The following GALNT13 variants were observed in gnomAD, a reference collection of about 807,000 sequenced individuals.
GALNT13 encodes UDP-GalNAc:polypeptide N-acetylgalactosaminyltransferase 13.
In GALNT13, 28 loss-of-function variants were observed where a neutral mutation model predicts 64.2. The ratio of observed to expected loss-of-function variants is 0.44; its 90% CI spans 0.32 to 0.60. The LOEUF is 0.60. Among genes scored for constraint, GALNT13 ranks in the 20% least tolerant of loss-of-function variants. The pLI, the probability that GALNT13 is intolerant of heterozygous loss-of-function variation, is 0.05. For synonymous variants in GALNT13, 214 were observed against 224.6 expected (o/e 0.95, Z 0.42); for missense variants, 577 against 669.8 (o/e 0.86, Z 1.53).
Position 154,040,799 on chromosome 2 carries a change from GA to G in GALNT13, c.142+96166del, listed in dbSNP as rs564843779. On this transcript the variant is annotated intron_variant, in intron 3 of 12. Transcript: ENST00000392825. The stretch of plus-strand genomic sequence containing the variant: ...AAAATGATTTCATCAGCAAGATACA[GA>G]AAAAAGTTGGCAAAGGTAAAAATAC... Among the ~76,000 whole-genome samples, 278 of 139,950 alleles carry G rather than the reference GA, an allele frequency of 2.0e-3. 25 individuals are homozygous for G. The highest frequency in any genetic ancestry group is 8.2e-3 in the Middle Eastern group (2 of 244). 91.8% of individuals were successfully genotyped at this position (139,950 alleles called of 152,430 possible). A position where few individuals can be genotyped will look rare whatever the true frequency, so the allele number is the denominator to read the frequency against.
chr2:153,845,643 T>C, the GALNT13 span, among the ~76,000 whole-genome samples: 1 of 152,036 alleles, frequency 6.6e-6, no homozygotes, highest in Admixed American at 6.5e-5. Context: ...AAGATAAAAC[T>C]TTAGTATTTT....
At chr2:154,014,588 T>A (rs1294327584) in intron 3 of GALNT13, among the ~76,000 whole-genome samples, 2 of 118,496 alleles carry the variant, frequency 1.7e-5, no homozygotes, top group African/African-American at 6.0e-5. Context: ...TTTTTTTTTG[T>A]TGTTGTTGTT....
At chr2:154,023,538 A>G (rs1171601847) in intron 3 of GALNT13, among the ~76,000 whole-genome samples, 1 of 151,564 alleles carries the variant, frequency 6.6e-6, no homozygotes, top group African/African-American at 2.4e-5. Flanking sequence ...TTTGTTTTCC[A>G]TTTGCTTGGT....
chr2:153,899,502 C>G (rs1688090720), intron 1 of GALNT13, among the ~76,000 whole-genome samples: 1 of 152,040 alleles, frequency 6.6e-6, no homozygotes, highest in South Asian at 2.1e-4. Flanking sequence ...TTCCATTTAA[C>G]TATAAACTTG....
At chr2:154,402,888 T>C (rs1699360703) in intron 10 of GALNT13, among the ~76,000 whole-genome samples, 2 of 152,300 alleles carry the variant, frequency 1.3e-5, no homozygotes, top group East Asian at 1.9e-4. Flanking sequence ...TTATACATGA[T>C]CATCCTAAAT....
chr2:153,421,199 C>A, the GALNT13 span: 1 of 188,220 alleles, frequency 5.3e-6, no homozygotes. Context: ...GCATATGTGA[C>A]CAAAGAGAAG....
the GALNT13 span, among the ~76,000 whole-genome samples, chr2:153,405,981 G>A: frequency 6.6e-6 from 1 of 152,202 alleles, no homozygotes; most frequent in African/African-American, 2.4e-5. Context: ...TGGCAGGTGA[G>A]CTAAACAAGC....
the GALNT13 span, among the ~76,000 whole-genome samples, chr2:153,629,836 G>A: frequency 3.1e-4 from 45 of 147,114 alleles, no homozygotes; most frequent in South Asian, 4.5e-4. Flanking sequence ...AAGTGGGCGA[G>A]GGACATGAAC....
the GALNT13 span, among the ~76,000 whole-genome samples, chr2:153,824,911 T>C: frequency 6.6e-6 from 1 of 152,186 alleles, no homozygotes; most frequent in Non-Finnish European, 1.5e-5. Context: ...GAAAGTTTCC[T>C]GAGGTCTCCC....
At chr2:153,257,868 G>A in the GALNT13 span, among the ~76,000 whole-genome samples, 1 of 152,200 alleles carries the variant, frequency 6.6e-6, no homozygotes, top group South Asian at 2.1e-4. Flanking sequence ...CTGGAATGGT[G>A]TGCTTTCTTT....
intron 9 of GALNT13, among the ~76,000 whole-genome samples, chr2:154,395,565 G>T (rs799801): frequency 0.34 from 52,128 of 151,798 alleles, 9,384 homozygotes; most frequent in African/African-American, 0.45. Flanking sequence ...TATAAATTTC[G>T]TATAAAATCT....
chr2:153,257,384 C>T, the GALNT13 span, among the ~76,000 whole-genome samples: 354 of 152,120 alleles, frequency 2.3e-3, 2 homozygotes, highest in African/African-American at 8.1e-3. Context: ...CCCGGTACCT[C>T]AGATGGAAAT....
intron 1 of GALNT13, among the ~76,000 whole-genome samples, chr2:153,886,182 A>C (rs1687164102): frequency 6.6e-6 from 1 of 151,740 alleles, no homozygotes; most frequent in African/African-American, 2.4e-5. Context: ...TGAACTGAAA[A>C]AAAAAAAACA....
chr2:154,102,212 C>T (rs1208796431), intron 3 of GALNT13, among the ~76,000 whole-genome samples: 1 of 152,146 alleles, frequency 6.6e-6, no homozygotes, highest in Non-Finnish European at 1.5e-5. Flanking sequence ...TTTTCTATCT[C>T]TCTATGATAA....
Position 153,993,618 on chromosome 2 carries a change from C to G in GALNT13, c.142+48979C>G, listed in dbSNP as rs189761932. Among the ~76,000 whole-genome samples, 93 of 144,316 alleles carry G rather than the reference C, an allele frequency of 6.4e-4. 2 individuals are homozygous for G. The East Asian group carries it at 0.017, about 27-fold the overall frequency. 94.7% of individuals were successfully genotyped at this position (144,316 alleles called of 152,430 possible). On this transcript the variant is annotated intron_variant, in intron 3 of 12. Coordinates refer to ENST00000392825, the MANE Select transcript of GALNT13 (RefSeq NM_052917.4). ...AGGCTGAGGCAGGAGAATGTGTGAACTTGGGAGGCGAAGCTTGCATTGAGC... is the reference window on the plus strand; with the variant it reads ...AGGCTGAGGCAGGAGAATGTGTGAAGTTGGGAGGCGAAGCTTGCATTGAGC...
chr2:153,444,971 A>G, the GALNT13 span, among the ~76,000 whole-genome samples: 3 of 152,198 alleles, frequency 2.0e-5, no homozygotes, highest in African/African-American at 7.2e-5. Context: ...GTTATTAAAA[A>G]CTACCAAATT....
At chr2:153,441,822 G>A in the GALNT13 span, among the ~76,000 whole-genome samples, 1 of 152,120 alleles carries the variant, frequency 6.6e-6, no homozygotes, top group African/African-American at 2.4e-5. Context: ...TGCTGAAGTT[G>A]CTTATCAGCT....
At chr2:153,163,774 C>T in the GALNT13 span, among the ~76,000 whole-genome samples, 1 of 152,162 alleles carries the variant, frequency 6.6e-6, no homozygotes, top group African/African-American at 2.4e-5. Context: ...AATCCCAGCA[C>T]TTTGGGAGGC....
the GALNT13 span, among the ~76,000 whole-genome samples, chr2:153,355,638 T>A: frequency 6.6e-6 from 1 of 152,196 alleles, no homozygotes; most frequent in South Asian, 2.1e-4. Flanking sequence ...TTACTAAGAA[T>A]TTGGCCTTCT....
Sources: allele counts gnomAD v4.1 joint callset (sites outside exome capture counted in the v4.1 genomes callset), GRCh38; gene constraint gnomAD v4.1.1; transcripts MANE v1.5; gene names NCBI Gene and HGNC (gene_info 2026-07-23, HGNC 2026-07-21).